Variants in BCLAF1 observed in about 807,000 individuals in gnomAD.
BCLAF1 encodes BCL2 associated transcription factor 1.
A neutral mutation model predicts 99.5 loss-of-function variants in BCLAF1; 10 were observed. The observed-to-expected ratio is 0.10, with a 90% CI of 0.06 to 0.17. The LOEUF is 0.17. Among genes scored for constraint, BCLAF1 ranks in the 10% least tolerant of loss-of-function variants. BCLAF1 has a pLI of 1.00. For synonymous variants in BCLAF1, 255 were observed against 370.9 expected, an observed-to-expected ratio of 0.69 and a Z score of 3.59; for missense variants, 636 against 1,105.8, an observed-to-expected ratio of 0.58 and a Z score of 6.02.
rs879361602 is a variant in BCLAF1 at position 136,256,708 on chromosome 6, T to TAAATA, written c.*4401_*4402insTATTT. 3.1e-5 allele frequency: 5 copies of TAAATA among 162,820 alleles called. No individual in the cohort carries two copies. The highest frequency in any genetic ancestry group is 6.5e-5 in the Admixed American group (1 of 15,412). The allele number at this position is 162,820 out of a possible 1,614,324, so 10.1% of individuals were successfully genotyped here. ...ATAAATAAATAAATAAATAAATAAATAATTCAAAGTGCATTTAACATTCTT... is the reference window on the plus strand; with the variant it reads ...ATAAATAAATAAATAAATAAATAAATAAATAAATTCAAAGTGCATTTAACATTCTT... On this transcript the variant is annotated 3_prime_UTR_variant, in exon 13 of 13. Coordinates refer to ENST00000531224, the MANE Select transcript of BCLAF1 (RefSeq NM_014739.3).
rs1321778909 is a variant in BCLAF1 at position 136,269,417 on chromosome 6, TAGTC to T, written c.2219+16_2219+19del. ...GCTAATTAGAAGCTAAAACCTATCT[TAGTC>T]AGTTTGAACAATTACCTGTCATCTT... On this transcript the variant is annotated intron_variant, in intron 9 of 12. Coordinates refer to ENST00000531224, the MANE Select transcript of BCLAF1 (RefSeq NM_014739.3). 2 of 1,599,476 alleles carry T rather than the reference TAGTC, an allele frequency of 1.3e-6. No individual in the cohort carries two copies. Among genetic ancestry groups the T allele is most frequent in the Non-Finnish European group, 8.5e-7 (1 of 1,173,754 alleles).
At chr6:136,277,565 G>A (rs571993997) in intron 4 of BCLAF1, among the ~76,000 whole-genome samples, 10 of 152,034 alleles carry the variant, frequency 6.6e-5, no homozygotes, top group Non-Finnish European at 1.0e-4. Context: ...TTGCTCTATC[G>A]CCCAGGCTGG....
chr6:136,262,892 T>G (rs1247818942), intron 11 of BCLAF1, among the ~76,000 whole-genome samples: 1 of 152,124 alleles, frequency 6.6e-6, no homozygotes, highest in Non-Finnish European at 1.5e-5. Context: ...GGTTTAAATC[T>G]TATCAGAAAC....
intron 1 of BCLAF1, among the ~76,000 whole-genome samples, chr6:136,286,751 C>T (rs1346760036): frequency 1.3e-5 from 2 of 152,150 alleles, no homozygotes; most frequent in African/African-American, 2.4e-5. Context: ...GCGGATCACC[C>T]GAGGTCAGGA....
chr6:136,269,367 G>A (rs1452190574), intron 9 of BCLAF1, 70 bp downstream of exon 9: 6 of 1,574,662 alleles, frequency 3.8e-6, no homozygotes, highest in Non-Finnish European at 5.2e-6. Context: ...AAAATTGAAA[G>A]CAATTAAGCT....
At chr6:136,271,922 G>A (rs1266410792) in intron 8 of BCLAF1, 73 bp downstream of exon 8, 16 of 1,125,834 alleles carry the variant, frequency 1.4e-5, no homozygotes, top group Non-Finnish European at 1.8e-5. Context: ...TTTGCCTTGA[G>A]AAACTATATT....
chr6:136,266,137 G>A (rs909539992), intron 11 of BCLAF1, among the ~76,000 whole-genome samples: 2 of 151,788 alleles, frequency 1.3e-5, no homozygotes, highest in African/African-American at 4.8e-5. Flanking sequence ...AGACAAAATA[G>A]AGATCCACTT....
chr6:136,274,215 C>G, intron 6 of BCLAF1: 2 of 1,240,734 alleles, frequency 1.6e-6, no homozygotes, highest in Non-Finnish European at 2.1e-6. Flanking sequence ...AAGAAAACAT[C>G]ACTGGGCATT....
In BCLAF1 at chr6:136,260,470, A is replaced by T. The variant is rs1295850335; in HGVS notation, c.*640T>A. ...AGGCCACTGCTTGCTTTCAGTAAAA[A>T]TAACATTTTCTCAAAACTTTTCAAT... On this transcript the variant is annotated 3_prime_UTR_variant, in exon 13 of 13. Transcript: ENST00000531224. The T allele has an allele frequency of 1.3e-5, 2 of 152,452 alleles. No individual in the cohort carries two copies. The highest frequency in any genetic ancestry group is 4.1e-4 in the South Asian group (2 of 4,832). The allele number at this position is 152,452 out of a possible 1,614,324, so 9.4% of individuals were successfully genotyped here.
intron 4 of BCLAF1, among the ~76,000 whole-genome samples, chr6:136,276,889 T>C (rs1783504767): frequency 1.3e-5 from 2 of 152,154 alleles, no homozygotes; most frequent in Non-Finnish European, 2.9e-5. Context: ...ATCCCCAAAA[T>C]TCCAGATATT....
rs189179901 is a variant in BCLAF1 at position 136,276,010 on chromosome 6, G to A, written c.1515C>T (p.Leu505=). 6.2e-7 allele frequency: 1 copy of A among 1,610,742 alleles called. No individual in the cohort carries two copies. Among genetic ancestry groups the A allele is most frequent in the African/African-American group, 1.3e-5 (1 of 74,508 alleles). The stretch of plus-strand genomic sequence containing the variant: ...GGGGACTGTAATCAAAGAGGTCTTT[G>A]AGCTTTTCAGACTTTACCTGCTCAG... ...QSPEQVKSEK[L]KDLFDYSPPL... is the part of the protein sequence containing the mutation. Residue 505 remains leucine, a synonymous_variant, in exon 5 of 13, where the codon CTC becomes CTT. Coordinates refer to ENST00000531224, the MANE Select transcript of BCLAF1 (RefSeq NM_014739.3).
intron 6 of BCLAF1, chr6:136,273,829 T>C: frequency 2.4e-6 from 1 of 422,234 alleles, no homozygotes; most frequent in East Asian, 1.0e-4. Context: ...TCAATACTGA[T>C]TATTTTTAAA....
intron 11 of BCLAF1, 105 bp from the exon 12 acceptor site, chr6:136,261,582 A>T (rs1781008498): frequency 8.6e-7 from 1 of 1,169,224 alleles, no homozygotes; most frequent in Non-Finnish European, 1.2e-6. Flanking sequence ...TGGGTATATG[A>T]GATTGGTAAT....
rs544933128 is a variant in BCLAF1, at chr6:136,284,413, G to A, written c.-114-1726C>T. Among the ~76,000 whole-genome samples the A allele has an allele frequency of 2.6e-5, 4 of 152,056 alleles. No individual in the cohort carries two copies. The South Asian group carries it at 8.3e-4, about 32-fold the overall frequency. ...TTAGTTCAACTAATTTTTAAAAAAT[G>A]AAAGTCTATATACAAAGCACAATGC... On this transcript the variant is annotated intron_variant, in intron 1 of 12. Coordinates refer to ENST00000531224, the MANE Select transcript of BCLAF1 (RefSeq NM_014739.3).
In BCLAF1 at chr6:136,286,695, CG is replaced by C. The variant is rs1204971202; in HGVS notation, c.-115+3017del. ...CATGCTTAATAAAATGGGCTGGGTG[CG>C]GTGGCTTACACCTGTAATCCCAACA... On this transcript the variant is annotated intron_variant, in intron 1 of 12. Coordinates refer to ENST00000531224, the MANE Select transcript of BCLAF1 (RefSeq NM_014739.3). 2.0e-5 allele frequency among the ~76,000 whole-genome samples: 3 copies of C among 152,142 alleles called. No individual in the cohort carries two copies. The East Asian group carries it at 5.8e-4, about 29-fold the overall frequency.
intron 8 of BCLAF1, among the ~76,000 whole-genome samples, chr6:136,270,754 A>G (rs1782400400): frequency 6.6e-6 from 1 of 151,850 alleles, no homozygotes; most frequent in African/African-American, 2.4e-5. Flanking sequence ...CCTCTTGTCT[A>G]TTCATCAATT....
chr6:136,283,440 C>T (rs1371413909), intron 1 of BCLAF1, among the ~76,000 whole-genome samples: 1 of 152,112 alleles, frequency 6.6e-6, no homozygotes, highest in Non-Finnish European at 1.5e-5. Context: ...CTTTTATCTA[C>T]TGAAAGTCAA....
intron 1 of BCLAF1, among the ~76,000 whole-genome samples, chr6:136,288,736 T>A (rs1024416978): frequency 6.6e-6 from 1 of 152,186 alleles, no homozygotes; most frequent in Non-Finnish European, 1.5e-5. Context: ...AAATAAATCT[T>A]AAAAGCGAAT....
intron 8 of BCLAF1, among the ~76,000 whole-genome samples, chr6:136,271,084 C>A (rs1782462380): frequency 6.6e-6 from 1 of 151,706 alleles, no homozygotes; most frequent in Admixed American, 6.6e-5. Context: ...CTGTCCATAA[C>A]AGCTTCTAGT....
Sources: gnomAD v4.1 joint callset for allele counts (sites outside exome capture counted in the v4.1 genomes callset) on GRCh38, gnomAD v4.1.1 for gene constraint, MANE v1.5 for transcripts, NCBI Gene and HGNC (gene_info 2026-07-23, HGNC 2026-07-21) for gene names.